The following SUCLA2 variants were observed in gnomAD, a reference collection of about 807,000 sequenced individuals.
SUCLA2 encodes the protein succinate--CoA ligase [ADP-forming] subunit beta, mitochondrial.
A neutral mutation model predicts 54.8 loss-of-function variants in SUCLA2; 30 were observed. That is an observed-to-expected ratio of 0.55 (90% CI 0.41 to 0.74). The LOEUF is 0.74. SUCLA2 is among the 30% of genes least tolerant of loss of function. The pLI, the probability that SUCLA2 is intolerant of heterozygous loss-of-function variation, is 0.00. For missense variants in SUCLA2, 476 were observed against 562.9 expected, an observed-to-expected ratio of 0.85 and a Z score of 1.56; for synonymous variants, 172 against 188.9, an observed-to-expected ratio of 0.91 and a Z score of 0.74.
intron 6 of SUCLA2, among the ~76,000 whole-genome samples, chr13:47,955,357 A>G (rs1949811993): frequency 6.6e-6 from 1 of 152,082 alleles, no homozygotes; most frequent in African/African-American, 2.4e-5. Flanking sequence ...ATGCACCACA[A>G]CACCCAGCTA....
chr13:47,991,345 C>A (rs1353010576), intron 2 of SUCLA2, among the ~76,000 whole-genome samples: 2 of 152,164 alleles, frequency 1.3e-5, no homozygotes, highest in Non-Finnish European at 2.9e-5. Context: ...CATGTTCCTG[C>A]CTTCAGGACT....
intron 2 of SUCLA2, among the ~76,000 whole-genome samples, chr13:47,992,068 G>T (rs1421153282): frequency 9.9e-5 from 15 of 152,120 alleles, no homozygotes; most frequent in Admixed American, 6.6e-4. Flanking sequence ...TGATTTTCCA[G>T]CACTTTAAAT....
At chr13:47,988,850 A>C (rs1950127046) in intron 3 of SUCLA2, 32 bp downstream of exon 3, 9 of 1,603,848 alleles carry the variant, frequency 5.6e-6, no homozygotes, top group Non-Finnish European at 7.7e-6. Context: ...GTCTTTAACA[A>C]GGATGATTTT....
intron 6 of SUCLA2, among the ~76,000 whole-genome samples, chr13:47,964,663 C>T (rs1442780680): frequency 6.6e-6 from 1 of 152,104 alleles, no homozygotes; most frequent in Non-Finnish European, 1.5e-5. Context: ...CGAGACCATC[C>T]TGGCTAACAC....
chr13:47,972,858 C>T (rs1242386903), intron 5 of SUCLA2, among the ~76,000 whole-genome samples: 1 of 146,914 alleles, frequency 6.8e-6, no homozygotes, highest in Non-Finnish European at 1.5e-5. Flanking sequence ...AGCGATTCTT[C>T]TGCCTCAGCC....
In SUCLA2 at chr13:47,960,091, C is replaced by T. The variant is rs148123119; in HGVS notation, c.803-5534G>A. 5.4e-3 allele frequency among the ~76,000 whole-genome samples: 824 copies of T among 152,214 alleles called. 5 individuals are homozygous for T. Among genetic ancestry groups the T allele is most frequent in the African/African-American group, 0.018 (756 of 41,528 alleles). On this transcript the variant is annotated intron_variant, in intron 6 of 10. Coordinates refer to ENST00000646932, the MANE Select transcript of SUCLA2 (RefSeq NM_003850.3). ...GGTTTTTTTGGGAGGTTCTGGGTAA[C>T]ACTGTAGCCTCCAGGGTAGACTGAG... is the stretch of plus-strand genomic sequence containing the variant.
intron 4 of SUCLA2, among the ~76,000 whole-genome samples, chr13:47,982,725 T>C (rs1403059015): frequency 7.1e-6 from 1 of 140,976 alleles, no homozygotes; most frequent in Non-Finnish European, 1.6e-5. Flanking sequence ...AAAAAAAAAA[T>C]CTCTGAACAC....
At chr13:47,954,622 T>A in intron 6 of SUCLA2, 65 bp from the exon 7 acceptor site, 1 of 1,517,334 alleles carries the variant, frequency 6.6e-7, no homozygotes, top group Non-Finnish European at 9.1e-7. Context: ...TATCAAATAG[T>A]CAAATGGTCT....
chr13:47,996,107 A>G (rs1223300094), intron 2 of SUCLA2, among the ~76,000 whole-genome samples: 1 of 152,048 alleles, frequency 6.6e-6, no homozygotes, highest in Non-Finnish European at 1.5e-5. Context: ...GCAGATCACG[A>G]GGTCAGGAGT....
At chr13:47,972,650 C>T (rs1157165688) in intron 5 of SUCLA2, among the ~76,000 whole-genome samples, 9 of 124,900 alleles carry the variant, frequency 7.2e-5, no homozygotes, top group Admixed American at 9.4e-5. Context: ...GCCTGGGTGA[C>T]GGAGCAAGAC....
chr13:47,984,444 C>A (rs1011933118), intron 4 of SUCLA2, among the ~76,000 whole-genome samples: 3 of 152,020 alleles, frequency 2.0e-5, no homozygotes, highest in Non-Finnish European at 4.4e-5. Context: ...CCTCATGATC[C>A]GCCCGCCTCA....
At chr13:47,975,869 G>A (rs1950007881) in intron 4 of SUCLA2, among the ~76,000 whole-genome samples, 1 of 152,148 alleles carries the variant, frequency 6.6e-6, no homozygotes. Context: ...TGTGATTAGA[G>A]GTTTGGGGCT....
intron 4 of SUCLA2, 161 bp downstream of exon 4, chr13:47,988,376 TAAAG>T: frequency 1.4e-6 from 1 of 737,880 alleles, no homozygotes; most frequent in Admixed American, 3.3e-5. Context: ...TTTACGGCAT[TAAAG>T]AAGCTGTTTT....
chr13:47,952,030 C>T (rs536594208), intron 8 of SUCLA2, among the ~76,000 whole-genome samples: 2 of 150,722 alleles, frequency 1.3e-5, no homozygotes, highest in African/African-American at 4.9e-5. Flanking sequence ...GTAATCTCTC[C>T]TGGATATCTC....
intron 2 of SUCLA2, chr13:47,994,904 T>G (rs1240271948): frequency 2.1e-6 from 2 of 974,988 alleles, no homozygotes; most frequent in African/African-American, 3.5e-5. Context: ...TACCTAAGAA[T>G]CATTAAGTTT....
At chr13:47,951,452 T>A (rs1034324396) in intron 8 of SUCLA2, among the ~76,000 whole-genome samples, 11 of 152,154 alleles carry the variant, frequency 7.2e-5, no homozygotes, top group Admixed American at 7.2e-4. Context: ...CACTGCCACC[T>A]GCATGCTCAA....
intron 2 of SUCLA2, among the ~76,000 whole-genome samples, chr13:47,992,956 G>A (rs200773759): frequency 6.6e-5 from 10 of 152,306 alleles, no homozygotes; most frequent in Admixed American, 2.0e-4. Context: ...GTGCCCAGGC[G>A]CAGTGGCTCA....
chr13:47,943,762 G>GTATATATA (rs1419922780), intron 10 of SUCLA2, among the ~76,000 whole-genome samples: 12 of 133,372 alleles, frequency 9.0e-5, no homozygotes, highest in African/African-American at 3.6e-4. Context: ...GTGTGTGTGT[G>GTATATATA]TGTGTATATA....
At chr13:47,989,099 A>G in intron 2 of SUCLA2, 118 bp from the exon 3 acceptor site, 1 of 996,748 alleles carries the variant, frequency 1.0e-6, no homozygotes, top group Non-Finnish European at 1.5e-6. Context: ...TTTATTCACA[A>G]TGTCCAAAAA....
Sources: allele counts gnomAD v4.1 joint callset (sites outside exome capture counted in the v4.1 genomes callset), GRCh38; gene constraint gnomAD v4.1.1; transcripts MANE v1.5; gene names NCBI Gene and HGNC (gene_info 2026-07-23, HGNC 2026-07-21).